The following FGFR1OP2 variants were observed in gnomAD, a reference collection of about 807,000 sequenced individuals.
FGFR1OP2 encodes FGFR1 oncogene partner 2.
FGFR1OP2 carries 17 observed loss-of-function variants against 35.2 expected under a neutral mutation model. The ratio of observed to expected loss-of-function variants is 0.48; its 90% CI spans 0.33 to 0.73. FGFR1OP2 has a LOEUF of 0.73. Ranked by LOEUF, FGFR1OP2 falls within the 30% of genes least tolerant of loss-of-function variation. The pLI, the probability that FGFR1OP2 is intolerant of heterozygous loss-of-function variation, is 0.02. For synonymous variants in FGFR1OP2, 105 were observed against 104.6 expected, an observed-to-expected ratio of 1.00 and a Z score of -0.03; for missense variants, 251 against 307.3, an observed-to-expected ratio of 0.82 and a Z score of 1.37.
At chr12:26,941,855 CT>C (rs2136346442) in intron 1 of FGFR1OP2, among the ~76,000 whole-genome samples, 1 of 152,234 alleles carries the variant, frequency 6.6e-6, no homozygotes. Context: ...AGAGAACTTA[CT>C]TTTTTTCGTT....
At chr12:26,954,942 T>C (rs1317220058) in intron 2 of FGFR1OP2, among the ~76,000 whole-genome samples, 1 of 152,208 alleles carries the variant, frequency 6.6e-6, no homozygotes, top group East Asian at 1.9e-4. Flanking sequence ...ATGATGGAAA[T>C]CAGAGGGGGA....
At chr12:26,957,102 A>G (rs1939033967) in intron 3 of FGFR1OP2, among the ~76,000 whole-genome samples, 1 of 152,076 alleles carries the variant, frequency 6.6e-6, no homozygotes, top group Admixed American at 6.5e-5. Flanking sequence ...AGCTTTCTTC[A>G]CTGTGAACTC....
At chr12:26,962,120 G>A (rs189756136) in intron 5 of FGFR1OP2, 1 of 152,176 alleles carries the variant, frequency 6.6e-6, no homozygotes, top group African/African-American at 2.4e-5. Context: ...TGCGTTTGAG[G>A]GACTGAATTG....
intron 5 of FGFR1OP2, chr12:26,961,538 A>T (rs1939105323): frequency 6.6e-6 from 1 of 152,168 alleles, no homozygotes; most frequent in African/African-American, 2.4e-5. Context: ...GGAATTGGAG[A>T]CCAGCCTGGC....
chr12:26,957,054 A>T (rs1023310955), intron 3 of FGFR1OP2, among the ~76,000 whole-genome samples: 2 of 152,156 alleles, frequency 1.3e-5, no homozygotes, highest in Admixed American at 1.3e-4. Context: ...GGTCCCTAAA[A>T]ATCATTTCCC....
At chr12:26,948,777 C>A (rs1055783418) in intron 1 of FGFR1OP2, among the ~76,000 whole-genome samples, 1 of 152,100 alleles carries the variant, frequency 6.6e-6, no homozygotes, top group African/African-American at 2.4e-5. Context: ...AGTTAGAATG[C>A]GCTTGGGAGA....
Position 26,957,982 on chromosome 12 carries a change from G to A in FGFR1OP2, c.396+239G>A, listed in dbSNP as rs76716352. 4.2e-3 allele frequency: 1,410 copies of A among 338,760 alleles called. 21 individuals carry two copies. The highest frequency in any genetic ancestry group is 0.027 in the African/African-American group (1,238 of 46,320). 21.0% of individuals were successfully genotyped at this position (338,760 alleles called of 1,614,324 possible). The stretch of plus-strand genomic sequence containing the variant: ...GTTTCTTAGAAACTTTAATTTGTAC[G>A]TTGAAAAATAAATTTTATTTTGGAT... On this transcript the variant is annotated intron_variant, in intron 4 of 6. Transcript: ENST00000229395.
chr12:26,963,458 A>G lies in FGFR1OP2; in HGVS notation c.624+3A>G. 6.3e-7 allele frequency: 1 copy of G among 1,584,852 alleles called. No individual in the cohort carries two copies. The highest frequency in any genetic ancestry group is 8.6e-7 in the Non-Finnish European group (1 of 1,159,002). ...AAGAACGAATATTTCAACTTGAAGT[A>G]AGTTTTACATTGCAAATGTAGATGA... On this transcript the variant is annotated splice_donor_region_variant and intron_variant, in intron 6 of 6. Transcript: ENST00000229395.
chr12:26,962,667 A>G (rs547080388), intron 5 of FGFR1OP2: 4 of 152,340 alleles, frequency 2.6e-5, no homozygotes, highest in African/African-American at 7.2e-5. Context: ...AAGATAAGAA[A>G]ATGAGATTGG....
rs190724796 is a variant in FGFR1OP2 at position 26,960,771 on chromosome 12, A to G, written c.510+143A>G. 4.0e-4 allele frequency: 516 copies of G among 1,295,106 alleles called. 2 individuals are homozygous for G. The African/African-American group carries it at 6.1e-3, about 15-fold the overall frequency. 80.2% of individuals were successfully genotyped at this position (1,295,106 alleles called of 1,614,324 possible). On this transcript the variant is annotated intron_variant, in intron 5 of 6. Transcript: ENST00000229395. The stretch of plus-strand genomic sequence containing the variant: ...AAAGAATGTTGTGTCTTTAATAGCC[A>G]TGCTGTTCAGTGTAGAAACTTTAAA...
At chr12:26,964,450 C>A in intron 6 of FGFR1OP2, 146 bp from the exon 7 acceptor site, 1 of 753,350 alleles carries the variant, frequency 1.3e-6, no homozygotes, top group Non-Finnish European at 2.1e-6. Context: ...TTGCCAACTG[C>A]ATATATCATT....
intron 1 of FGFR1OP2, among the ~76,000 whole-genome samples, chr12:26,949,584 T>G (rs1372087905): frequency 6.7e-6 from 1 of 150,326 alleles, no homozygotes; most frequent in East Asian, 1.9e-4. Flanking sequence ...CTGTTTGAGG[T>G]TTTTTTTGTT....
chr12:26,949,413 T>C (rs1373256829), intron 1 of FGFR1OP2, among the ~76,000 whole-genome samples: 1 of 151,978 alleles, frequency 6.6e-6, no homozygotes, highest in African/African-American at 2.4e-5. Context: ...ATTACAGGTG[T>C]GCACCACCAC....
At chr12:26,961,435 C>A (rs1203461306) in intron 5 of FGFR1OP2, 2 of 152,094 alleles carry the variant, frequency 1.3e-5, no homozygotes, top group East Asian at 1.9e-4. Context: ...TTTTTTCCTT[C>A]TATTTTAAAG....
chr12:26,950,214 T>TTTTTTTTTTTG (rs1938900753), intron 1 of FGFR1OP2, among the ~76,000 whole-genome samples: 1 of 43,140 alleles, frequency 2.3e-5, no homozygotes, highest in African/African-American at 1.0e-4. Flanking sequence ...GTATTCGTTG[T>TTTTTTTTTTTG]TTTTTTTTTT....
intron 5 of FGFR1OP2, chr12:26,961,572 A>G (rs1404518201): frequency 1.3e-5 from 2 of 152,192 alleles, no homozygotes; most frequent in African/African-American, 2.4e-5. Flanking sequence ...CCCCATCTCT[A>G]CTAAAAATAC....
chr12:26,950,354 C>G (rs1938906878), intron 1 of FGFR1OP2, among the ~76,000 whole-genome samples: 1 of 151,140 alleles, frequency 6.6e-6, no homozygotes, highest in South Asian at 2.1e-4. Context: ...TCCTGCGTAG[C>G]TGAGACTACA....
chr12:26,946,624 A>G (rs1283835104), intron 1 of FGFR1OP2, among the ~76,000 whole-genome samples: 2 of 152,170 alleles, frequency 1.3e-5, no homozygotes, highest in Admixed American at 6.5e-5. Flanking sequence ...GTCTGATATT[A>G]TATAGCCACT....
At position 26,938,631 on chromosome 12, in the gene FGFR1OP2, C is replaced by T. The variant is rs1938622788; in HGVS notation, c.-94C>T. 1 of 152,488 alleles carries T rather than the reference C, an allele frequency of 6.6e-6. No individual in the cohort carries two copies. Among genetic ancestry groups the T allele is most frequent in the Admixed American group, 6.5e-5 (1 of 15,288 alleles). The allele number at this position is 152,488 out of a possible 1,614,324, so 9.4% of individuals were successfully genotyped here. On this transcript the variant is annotated 5_prime_UTR_variant, in exon 1 of 7. Coordinates refer to ENST00000229395, the MANE Select transcript of FGFR1OP2 (RefSeq NM_015633.3). The stretch of plus-strand genomic sequence containing the variant: ...ATTAGGGGGGCGCGGAGTCTCTTCC[C>T]TTGAGTGCATAGGTCCCGGTTGGTA...
Sources: allele counts gnomAD v4.1 joint callset (sites outside exome capture counted in the v4.1 genomes callset), GRCh38; gene constraint gnomAD v4.1.1; transcripts MANE v1.5; gene names NCBI Gene and HGNC (gene_info 2026-07-23, HGNC 2026-07-21).